The following CLEC17A variants were observed in gnomAD, a reference collection of about 807,000 sequenced individuals.
The protein encoded by CLEC17A is C-type lectin domain containing 17A.
A neutral mutation model predicts 61.3 loss-of-function variants in CLEC17A; 37 were observed. That is an observed-to-expected ratio of 0.60 (90% confidence interval 0.46 to 0.79). The LOEUF (loss-of-function observed/expected upper bound fraction) is 0.79. Ranked by LOEUF, CLEC17A falls within the 30% of genes least tolerant of loss-of-function variation. The probability of loss-of-function intolerance (pLI) is 0.00; values close to 1 mark genes in which losing one functional copy is unlikely to be tolerated. For missense variants in CLEC17A, 418 were observed against 464.7 expected (o/e 0.90, Z 0.92); for synonymous variants, 168 against 164.9 (o/e 1.02, Z -0.14).
chr19:14,592,065 T>C (rs2074433486), intron 3 of CLEC17A, among the ~76,000 whole-genome samples: 1 of 152,200 alleles, frequency 6.6e-6, no homozygotes. Context: ...CTTGTCATGT[T>C]CCTGGTGTTA....
chr19:14,608,761 G>A (rs1161981922), intron 13 of CLEC17A, among the ~76,000 whole-genome samples: 1 of 149,930 alleles, frequency 6.7e-6, no homozygotes, highest in Non-Finnish European at 1.5e-5. Context: ...AGACTATTGA[G>A]TAGCTGGGAT....
chr19:14,599,651 C>G, intron 10 of CLEC17A, 66 bp from the exon 11 acceptor site: 2 of 1,095,380 alleles, frequency 1.8e-6, no homozygotes, highest in South Asian at 2.6e-5. Flanking sequence ...GATGTGTCTG[C>G]AGTCCGTGGT....
intron 12 of CLEC17A, among the ~76,000 whole-genome samples, chr19:14,601,892 A>C (rs1468734563): frequency 1.3e-5 from 2 of 151,966 alleles, no homozygotes; most frequent in African/African-American, 4.8e-5. Flanking sequence ...TCCCGGGTTC[A>C]CGCCATTTTC....
intron 10 of CLEC17A, among the ~76,000 whole-genome samples, chr19:14,597,718 A>C (rs1490030153): frequency 6.6e-6 from 1 of 152,196 alleles, no homozygotes; most frequent in Non-Finnish European, 1.5e-5. Flanking sequence ...CTCCTGCCTC[A>C]GCCTCTTGAG....
In CLEC17A at chr19:14,596,863, C is replaced by T; in HGVS notation, c.446-13C>T. On this transcript the variant is annotated splice_polypyrimidine_tract_variant and intron_variant, in intron 8 of 13. Transcript: ENST00000417570. The stretch of plus-strand genomic sequence containing the variant: ...CCAGTATCAGTCTCTCTGTTCCCAT[C>T]CCCACTCCCCAGCAACTCCAGTCCC... 6.2e-7 allele frequency: 1 copy of T among 1,607,272 alleles called. No homozygotes were observed.
At position 14,610,300 on chromosome 19, in the gene CLEC17A, A is replaced by T. The variant is rs1004715069; in HGVS notation, c.*104A>T. The T allele has an allele frequency of 4.1e-6, 6 of 1,467,078 alleles. No homozygotes were observed. The highest frequency in any genetic ancestry group is 2.1e-5 in the Admixed American group (1 of 48,098). The allele number at this position is 1,467,078 out of a possible 1,614,324, so 90.9% of individuals were successfully genotyped here. A position where few individuals can be genotyped will look rare whatever the true frequency, so the allele number is the denominator to read the frequency against. On this transcript the variant is annotated 3_prime_UTR_variant, in exon 14 of 14. Transcript: ENST00000417570. Reference sequence around the variant, plus strand: ...TGCCTCTTCGTGAGTGGACACACAGATGTGCCTCAAACAGGATTGGCACCC... The same window carrying T: ...TGCCTCTTCGTGAGTGGACACACAGTTGTGCCTCAAACAGGATTGGCACCC...
intron 2 of CLEC17A, among the ~76,000 whole-genome samples, chr19:14,586,352 G>A (rs2074279850): frequency 6.6e-6 from 1 of 152,078 alleles, no homozygotes; most frequent in Non-Finnish European, 1.5e-5. Flanking sequence ...TCGAACTCCC[G>A]ACCTCAGGTG....
chr19:14,598,232 G>A (rs2074597828), intron 10 of CLEC17A, among the ~76,000 whole-genome samples: 1 of 152,116 alleles, frequency 6.6e-6, no homozygotes, highest in Non-Finnish European at 1.5e-5. Flanking sequence ...AAGGTGGGAG[G>A]ATCCCTTGAG....
chr19:14,585,092 T>A (rs1342429238), intron 2 of CLEC17A, among the ~76,000 whole-genome samples: 4 of 152,180 alleles, frequency 2.6e-5, no homozygotes, highest in African/African-American at 9.6e-5. Context: ...CTCCTTTCAA[T>A]CAAACCCTCA....
intron 12 of CLEC17A, among the ~76,000 whole-genome samples, chr19:14,605,937 A>G (rs1245520639): frequency 6.6e-6 from 1 of 152,062 alleles, no homozygotes. Context: ...ATGGGGTCTC[A>G]GTATGTTGCC....
upstream of CLEC17A, chr19:14,582,981 GT>G: frequency 1.6e-6 from 1 of 616,704 alleles, no homozygotes; most frequent in Non-Finnish European, 2.9e-6. Context: ...GTGTGTGTGT[GT>G]GTGTGTGTTT....
chr19:14,600,002 A>T, intron 11 of CLEC17A, 29 bp from the exon 12 acceptor site: 1 of 1,611,176 alleles, frequency 6.2e-7, no homozygotes. Flanking sequence ...TTCTGGGGCC[A>T]TCCTGACAGC....
chr19:14,583,419 C>G lies in CLEC17A; in HGVS notation c.106C>G (p.Leu36Val), dbSNP rs376824328. ...YENSTPPYKDLPPKPGTMEEE... is the reference protein window; with the variant it reads ...YENSTPPYKDVPPKPGTMEEE... ...GAACTCAACACCTCCCTACAAGGAC[C>G]TTCCTCCCAAGCCAGGTAAGAGGAC... Residue 36 changes from leucine (L) to valine (V), a missense_variant, in exon 2 of 14, where the codon CTT becomes GTT. By Grantham distance (32) the Leu-to-Val change is conservative (BLOSUM62 1). Transcript: ENST00000417570. The G allele has an allele frequency of 6.2e-6, 10 of 1,612,502 alleles. No homozygotes were observed. In the Admixed American group the frequency reaches 1.7e-4, roughly 27 times the overall value.
At position 14,610,503 on chromosome 19, in the gene CLEC17A, CTAGCCCTGAGG is replaced by C. The variant is rs1332679246; in HGVS notation, c.*308_*318del. ...TGATCATGACTCTTGGGAAGTGATA[CTAGCCCTGAGG>C]ACCCTGGGGCTGGTGTTGAACCTGG... On this transcript the variant is annotated 3_prime_UTR_variant, in exon 14 of 14. Coordinates refer to ENST00000417570, the MANE Select transcript of CLEC17A (RefSeq NM_001204118.2). 3.1e-6 allele frequency: 1 copy of C among 327,792 alleles called. No individual in the cohort carries two copies. Among genetic ancestry groups the C allele is most frequent in the African/African-American group, 2.1e-5 (1 of 47,374 alleles). The allele number at this position is 327,792 out of a possible 1,614,324, so 20.3% of individuals were successfully genotyped here.
rs2074493045 is a variant in CLEC17A at position 14,594,364 on chromosome 19, C to T, written c.278-153C>T. ...CGTTGGTCACCCTACTTAATCCCAT[C>T]TCCATCCCTAATCCCAATTGCATTC... On this transcript the variant is annotated intron_variant, in intron 4 of 13. Transcript: ENST00000417570. 3 of 905,526 alleles carry T rather than the reference C, an allele frequency of 3.3e-6. No homozygotes were observed. The South Asian group carries it at 4.4e-5, about 13-fold the overall frequency. 56.1% of individuals were successfully genotyped at this position (905,526 alleles called of 1,614,324 possible).
intron 2 of CLEC17A, among the ~76,000 whole-genome samples, chr19:14,586,915 A>G (rs1016150102): frequency 2.1e-5 from 3 of 145,980 alleles, no homozygotes; most frequent in Non-Finnish European, 4.5e-5. Flanking sequence ...TTGAGACAGA[A>G]TCTCACTCTG....
At chr19:14,600,966 A>G (rs1599561781) in intron 12 of CLEC17A, among the ~76,000 whole-genome samples, 1 of 120,032 alleles carries the variant, frequency 8.3e-6, no homozygotes, top group African/African-American at 3.3e-5. Context: ...GCAGTGGTGC[A>G]ATCTTGGCTC....
chr19:14,585,373 T>A (rs2074260454), intron 2 of CLEC17A, among the ~76,000 whole-genome samples: 1 of 152,274 alleles, frequency 6.6e-6, no homozygotes, highest in Admixed American at 6.5e-5. Context: ...ATGACTCATA[T>A]GACTCTCAGG....
At chr19:14,584,808 C>A (rs1463715181) in intron 2 of CLEC17A, among the ~76,000 whole-genome samples, 2 of 151,872 alleles carry the variant, frequency 1.3e-5, no homozygotes, top group African/African-American at 4.9e-5. Context: ...CCACATGCAG[C>A]CCAGCATCCA....
Sources: gnomAD v4.1 joint callset for allele counts (sites outside exome capture counted in the v4.1 genomes callset) on GRCh38, gnomAD v4.1.1 for gene constraint, MANE v1.5 for transcripts, NCBI Gene and HGNC (gene_info 2026-07-23, HGNC 2026-07-21) for gene names.